Variants in CTTNBP2 observed in about 807,000 individuals in gnomAD.
CTTNBP2 encodes cortactin-binding protein 2.
CTTNBP2 carries 108 observed loss-of-function variants against 156.9 expected under a neutral mutation model. The ratio of observed to expected loss-of-function variants is 0.69; its 90% CI spans 0.59 to 0.81. The LOEUF is 0.81. Ranked by LOEUF, CTTNBP2 falls within the 30% of genes least tolerant of loss-of-function variation. The probability of loss-of-function intolerance (pLI) is 0.00; values close to 1 mark genes in which losing one functional copy is unlikely to be tolerated. For missense variants in CTTNBP2, 1,924 were observed against 2,035.4 expected (o/e 0.95, Z 1.05); for synonymous variants, 767 against 751.8 (o/e 1.02, Z -0.33).
At chr7:117,810,614 T>C in intron 3 of CTTNBP2, 151 bp downstream of exon 3, 1 of 678,790 alleles carries the variant, frequency 1.5e-6, no homozygotes, top group South Asian at 1.8e-5. Flanking sequence ...TAGGTTACAT[T>C]GGCTTAAAGA....
chr7:117,805,579 C>A (rs953076576), intron 3 of CTTNBP2, among the ~76,000 whole-genome samples: 1 of 152,166 alleles, frequency 6.6e-6, no homozygotes, highest in Admixed American at 6.5e-5. Context: ...GCATACACTG[C>A]GAGCTCATTA....
chr7:117,815,184 T>G (rs1358631476), intron 2 of CTTNBP2, among the ~76,000 whole-genome samples: 1 of 152,224 alleles, frequency 6.6e-6, no homozygotes, highest in Non-Finnish European at 1.5e-5. Context: ...TACGTAATTC[T>G]AACAATTAAA....
intron 3 of CTTNBP2, among the ~76,000 whole-genome samples, chr7:117,809,182 T>C (rs987581419): frequency 1.1e-5 from 1 of 88,482 alleles, no homozygotes; most frequent in East Asian, 1.8e-3. Context: ...AGGATGTAAG[T>C]TGATTTAAAA....
intron 11 of CTTNBP2, among the ~76,000 whole-genome samples, chr7:117,757,540 A>G (rs1254691903): frequency 1.3e-5 from 2 of 151,646 alleles, no homozygotes; most frequent in Non-Finnish European, 2.9e-5. Flanking sequence ...AAAAAAAAAA[A>G]AAAAAAAAAA....
At chr7:117,822,857 G>A (rs1178903826) in intron 2 of CTTNBP2, among the ~76,000 whole-genome samples, 1 of 152,168 alleles carries the variant, frequency 6.6e-6, no homozygotes, top group African/African-American at 2.4e-5. Context: ...ATTCATCAAG[G>A]TGGCTGAGGG....
At chr7:117,749,868 T>A (rs1314967953) in intron 12 of CTTNBP2, among the ~76,000 whole-genome samples, 1 of 152,144 alleles carries the variant, frequency 6.6e-6, no homozygotes, top group Admixed American at 6.5e-5. Flanking sequence ...TCAGTTCTAT[T>A]TTTCTGTGAC....
intron 19 of CTTNBP2, among the ~76,000 whole-genome samples, chr7:117,722,505 G>A (rs952457362): frequency 2.0e-5 from 3 of 151,970 alleles, no homozygotes; most frequent in Non-Finnish European, 4.4e-5. Context: ...TATAACATTT[G>A]ATATCAAATA....
intron 2 of CTTNBP2, among the ~76,000 whole-genome samples, chr7:117,817,039 T>C (rs912189811): frequency 2.0e-5 from 3 of 151,848 alleles, no homozygotes. Flanking sequence ...CACACTGATG[T>C]ATAAAAATAT....
intron 2 of CTTNBP2, among the ~76,000 whole-genome samples, chr7:117,856,298 C>G (rs145915872): frequency 1.5e-3 from 222 of 152,306 alleles, no homozygotes; most frequent in South Asian, 5.0e-3. Flanking sequence ...GGAGCTGGCA[C>G]TGATCCTGTT....
At chr7:117,787,185 A>G (rs1798746314) in intron 4 of CTTNBP2, among the ~76,000 whole-genome samples, 1 of 152,186 alleles carries the variant, frequency 6.6e-6, no homozygotes, top group Non-Finnish European at 1.5e-5. Flanking sequence ...AAATGGTAAT[A>G]CTTAGTTAAG....
At chr7:117,775,647 A>G (rs1020505428) in intron 8 of CTTNBP2, among the ~76,000 whole-genome samples, 4 of 150,428 alleles carry the variant, frequency 2.7e-5, no homozygotes, top group African/African-American at 9.8e-5. Flanking sequence ...AACATCTCAT[A>G]TTACATTCAG....
intron 21 of CTTNBP2, 67 bp downstream of exon 21, chr7:117,719,437 G>T: frequency 7.1e-7 from 1 of 1,408,150 alleles, no homozygotes; most frequent in Non-Finnish European, 9.7e-7. Flanking sequence ...TTAGGGAATT[G>T]TGGTCCCCCA....
At chr7:117,753,730 G>C (rs919931910) in intron 12 of CTTNBP2, among the ~76,000 whole-genome samples, 2 of 151,660 alleles carry the variant, frequency 1.3e-5, no homozygotes, top group Non-Finnish European at 2.9e-5. Context: ...CATGGTGGAG[G>C]GGGTGGAACA....
intron 8 of CTTNBP2, among the ~76,000 whole-genome samples, chr7:117,769,816 T>G (rs2116713360): frequency 6.6e-6 from 1 of 152,220 alleles, no homozygotes; most frequent in East Asian, 1.9e-4. Context: ...ACATTTATTT[T>G]GCAAGTTAGA....
At chr7:117,844,201 C>T (rs1802444119) in intron 2 of CTTNBP2, among the ~76,000 whole-genome samples, 1 of 152,100 alleles carries the variant, frequency 6.6e-6, no homozygotes. Flanking sequence ...AATGGATCCT[C>T]CCATGGAACC....
chr7:117,814,138 G>A (rs1035727674), intron 2 of CTTNBP2, among the ~76,000 whole-genome samples: 8 of 151,932 alleles, frequency 5.3e-5, no homozygotes, highest in African/African-American at 1.9e-4. Context: ...TTGATAAGTG[G>A]GTTAAAAATT....
chr7:117,724,797 G>T, intron 18 of CTTNBP2, 65 bp from the exon 19 acceptor site: 1 of 1,548,506 alleles, frequency 6.5e-7, no homozygotes, highest in Non-Finnish European at 8.8e-7. Flanking sequence ...ATACATTTCC[G>T]TTTCTCAAAG....
intron 6 of CTTNBP2, among the ~76,000 whole-genome samples, chr7:117,781,961 T>C (rs926858694): frequency 1.3e-5 from 2 of 152,202 alleles, no homozygotes; most frequent in East Asian, 3.8e-4. Context: ...GGGTTCTCAA[T>C]GACAAACTCA....
intron 9 of CTTNBP2, among the ~76,000 whole-genome samples, chr7:117,765,220 G>A (rs772301379): frequency 1.3e-5 from 2 of 152,198 alleles, no homozygotes; most frequent in Non-Finnish European, 2.9e-5. Context: ...ACAGACGTGA[G>A]CCACCACACC....
Sources: allele counts gnomAD v4.1 joint callset (sites outside exome capture counted in the v4.1 genomes callset), GRCh38; gene constraint gnomAD v4.1.1; transcripts MANE v1.5; gene names NCBI Gene and HGNC (gene_info 2026-07-23, HGNC 2026-07-21).